Variants in NALF1 observed in about 807,000 individuals in gnomAD.
The protein encoded by NALF1 is family with sequence similarity 155 member A.
A neutral mutation model predicts 48.4 loss-of-function variants in NALF1; 3 were observed. That is an observed-to-expected ratio of 0.06 (90% confidence interval 0.03 to 0.16). The LOEUF is 0.16. Among genes scored for constraint, NALF1 ranks in the 10% least tolerant of loss-of-function variants. NALF1 has a pLI of 1.00. For missense variants in NALF1, 526 were observed against 571.5 expected, an observed-to-expected ratio of 0.92 and a Z score of 0.81; for synonymous variants, 262 against 245.7, an observed-to-expected ratio of 1.07 and a Z score of -0.62.
At chr13:107,838,562 T>C (rs1180421951) in intron 1 of NALF1, among the ~76,000 whole-genome samples, 4 of 152,188 alleles carry the variant, frequency 2.6e-5, no homozygotes, top group Admixed American at 2.0e-4. Context: ...GCAGGAGGCA[T>C]GCGTGTATGA....
chr13:107,166,005 G>GAT lies in NALF1; in HGVS notation c.*4490_*4491dup, dbSNP rs1246495905. ...TTTGGTTGAAGTTTTATTTGCAAGC[G>GAT]ATGTGTGTGTGTGTGTGTGTGTGTG... On this transcript the variant is annotated 3_prime_UTR_variant, in exon 3 of 3. Transcript: ENST00000375915. 7.5e-6 allele frequency: 1 copy of GAT among 132,818 alleles called. No homozygotes were observed. Among genetic ancestry groups the GAT allele is most frequent in the African/African-American group, 3.2e-5 (1 of 31,678 alleles). 8.2% of individuals were successfully genotyped at this position (132,818 alleles called of 1,614,324 possible). A position where few individuals can be genotyped will look rare whatever the true frequency, so the allele number is the denominator to read the frequency against.
intron 1 of NALF1, among the ~76,000 whole-genome samples, chr13:107,560,023 G>A (rs1376982816): frequency 6.6e-6 from 1 of 152,092 alleles, no homozygotes; most frequent in Non-Finnish European, 1.5e-5. Flanking sequence ...TAGAAAGGAA[G>A]GAAGGAGAAA....
intron 1 of NALF1, among the ~76,000 whole-genome samples, chr13:107,768,083 T>C (rs1317248931): frequency 1.3e-5 from 2 of 152,134 alleles, no homozygotes; most frequent in Admixed American, 6.6e-5. Flanking sequence ...GAGTCTTGTG[T>C]CCTTTGGCCT....
At chr13:107,712,771 C>T (rs1355130214) in intron 1 of NALF1, among the ~76,000 whole-genome samples, 1 of 152,220 alleles carries the variant, frequency 6.6e-6, no homozygotes, top group Non-Finnish European at 1.5e-5. Context: ...ACAGAGCTGT[C>T]TTTCAGTAGA....
At chr13:107,311,878 T>G (rs1212930603) in intron 1 of NALF1, among the ~76,000 whole-genome samples, 1 of 152,088 alleles carries the variant, frequency 6.6e-6, no homozygotes, top group Non-Finnish European at 1.5e-5. Context: ...TGAGATACCA[T>G]CTCACACCAG....
At chr13:107,218,239 C>G (rs746203166) in intron 1 of NALF1, among the ~76,000 whole-genome samples, 2 of 152,220 alleles carry the variant, frequency 1.3e-5, no homozygotes, top group Non-Finnish European at 2.9e-5. Context: ...TGCATTCCCT[C>G]TAGACCCTGC....
intron 1 of NALF1, among the ~76,000 whole-genome samples, chr13:107,390,240 G>A (rs964047860): frequency 6.6e-6 from 1 of 151,826 alleles, no homozygotes; most frequent in Admixed American, 6.6e-5. Flanking sequence ...TGCTCCTCAG[G>A]AGGCTGAGAC....
chr13:107,295,425 A>G (rs1881706866), intron 1 of NALF1, among the ~76,000 whole-genome samples: 1 of 152,088 alleles, frequency 6.6e-6, no homozygotes. Context: ...TGTCTTTGCT[A>G]TTGTGAATAG....
At chr13:107,475,365 T>A (rs1296312272) in intron 1 of NALF1, among the ~76,000 whole-genome samples, 1 of 152,162 alleles carries the variant, frequency 6.6e-6, no homozygotes, top group Non-Finnish European at 1.5e-5. Context: ...ACTTTGAAGG[T>A]TTGCGTTAGT....
chr13:107,575,990 GCATGTATA>G (rs1878134050), intron 1 of NALF1, among the ~76,000 whole-genome samples: 2 of 77,826 alleles, frequency 2.6e-5, no homozygotes, highest in Non-Finnish European at 9.1e-5. Flanking sequence ...ATGTGTGTGT[GCATGTATA>G]TGTGTGTGTG....
At chr13:107,711,848 C>T (rs1269391075) in intron 1 of NALF1, among the ~76,000 whole-genome samples, 1 of 152,092 alleles carries the variant, frequency 6.6e-6, no homozygotes, top group East Asian at 1.9e-4. Context: ...AGCTATTGAT[C>T]TTGTTTTTTA....
intron 1 of NALF1, among the ~76,000 whole-genome samples, chr13:107,784,940 T>C (rs1878025556): frequency 6.6e-6 from 1 of 152,092 alleles, no homozygotes; most frequent in Admixed American, 6.5e-5. Flanking sequence ...ATGAAAAAGA[T>C]ACTTGCACAC....
chr13:107,748,501 T>C (rs1017427594), intron 1 of NALF1, among the ~76,000 whole-genome samples: 1 of 152,202 alleles, frequency 6.6e-6, no homozygotes, highest in African/African-American at 2.4e-5. Context: ...CTCCATTAGG[T>C]CAGATTATTA....
At position 107,825,250 on chromosome 13, in the gene NALF1, T is replaced by C. The variant is rs897281942; in HGVS notation, c.915+40432A>G. Among the ~76,000 whole-genome samples, 18 of 152,332 alleles carry C rather than the reference T, an allele frequency of 1.2e-4. No individual in the cohort carries two copies. In the East Asian group the frequency reaches 1.3e-3, roughly 11 times the overall value. The stretch of plus-strand genomic sequence containing the variant: ...AATTCCCTCAGCTGCAAAGTGAGAA[T>C]GTTGGTCTGCTTTGGATGTCCGAGT... On this transcript the variant is annotated intron_variant, in intron 1 of 2. Coordinates refer to ENST00000375915, the MANE Select transcript of NALF1 (RefSeq NM_001080396.3).
At chr13:107,452,980 A>G (rs150664135) in intron 1 of NALF1, among the ~76,000 whole-genome samples, 3,150 of 152,308 alleles carry the variant, frequency 0.021, 108 homozygotes, top group Non-Finnish European at 0.025. Context: ...TCCATGTCTC[A>G]TATCTAGGTC....
chr13:107,596,110 G>A (rs921187359), intron 1 of NALF1, among the ~76,000 whole-genome samples: 7 of 152,136 alleles, frequency 4.6e-5, no homozygotes, highest in African/African-American at 1.7e-4. Context: ...ATGATCTGTG[G>A]GAGAAGGCAC....
At chr13:107,427,429 T>A (rs1332969184) in intron 1 of NALF1, among the ~76,000 whole-genome samples, 14 of 149,912 alleles carry the variant, frequency 9.3e-5, no homozygotes, top group Admixed American at 8.7e-4. Flanking sequence ...ACAGTCATTT[T>A]GACTGTTTGG....
At chr13:107,769,800 T>G (rs1261707348) in intron 1 of NALF1, among the ~76,000 whole-genome samples, 4 of 152,340 alleles carry the variant, frequency 2.6e-5, no homozygotes, top group Admixed American at 6.5e-5. Flanking sequence ...GTGGAAAGTT[T>G]TGCTGTCTGA....
chr13:107,652,971 T>A (rs182938638), intron 1 of NALF1, among the ~76,000 whole-genome samples: 9 of 152,272 alleles, frequency 5.9e-5, no homozygotes, highest in African/African-American at 9.6e-5. Context: ...AAGTTGCTAT[T>A]ATTTATTTTT....
Sources: allele counts gnomAD v4.1 joint callset (sites outside exome capture counted in the v4.1 genomes callset), GRCh38; gene constraint gnomAD v4.1.1; transcripts MANE v1.5; gene names NCBI Gene and HGNC (gene_info 2026-07-23, HGNC 2026-07-21).